OLA1: variants seen among roughly 807,000 people sequenced by gnomAD.
The protein encoded by OLA1 is Obg like ATPase 1.
OLA1 carries 14 observed loss-of-function variants against 48.4 expected under a neutral mutation model. The ratio of observed to expected loss-of-function variants is 0.29; its 90% CI spans 0.19 to 0.45. OLA1 has a LOEUF of 0.45. Ranked by LOEUF, OLA1 falls within the 20% of genes least tolerant of loss-of-function variation. The pLI, the probability that OLA1 is intolerant of heterozygous loss-of-function variation, is 1.00. For missense variants in OLA1, 325 were observed against 467.1 expected (o/e 0.70, Z 2.80); for synonymous variants, 127 against 150.4 (o/e 0.84, Z 1.14).
intron 4 of OLA1, among the ~76,000 whole-genome samples, chr2:174,206,590 A>G (rs1034967598): frequency 7.0e-6 from 1 of 143,694 alleles, no homozygotes; most frequent in African/African-American, 2.6e-5. Context: ...TCAATCACCA[A>G]TCACTTAGAT....
chr2:174,113,000 G>C (rs1019044799), intron 7 of OLA1, among the ~76,000 whole-genome samples: 1 of 152,108 alleles, frequency 6.6e-6, no homozygotes, highest in African/African-American at 2.4e-5. Flanking sequence ...GAGTGCAATG[G>C]CATGATCTTG....
intron 7 of OLA1, among the ~76,000 whole-genome samples, chr2:174,099,654 TTA>T (rs1685346181): frequency 6.6e-6 from 1 of 152,226 alleles, no homozygotes; most frequent in African/African-American, 2.4e-5. Flanking sequence ...CACATTGCCT[TTA>T]TGTTTACCTA....
At chr2:174,196,366 A>G (rs1206377759) in intron 4 of OLA1, among the ~76,000 whole-genome samples, 1 of 152,180 alleles carries the variant, frequency 6.6e-6, no homozygotes, top group African/African-American at 2.4e-5. Flanking sequence ...TTATCTCTTA[A>G]TGTAATATTT....
At chr2:174,120,609 G>C (rs1416082246) in intron 7 of OLA1, among the ~76,000 whole-genome samples, 1 of 152,166 alleles carries the variant, frequency 6.6e-6, no homozygotes, top group African/African-American at 2.4e-5. Flanking sequence ...AATGACTAAT[G>C]CTTGCAGCCA....
intron 4 of OLA1, among the ~76,000 whole-genome samples, chr2:174,144,949 AAAATATATATATATATATAT>A (rs1305647865): frequency 1.7e-5 from 1 of 57,156 alleles, no homozygotes; most frequent in Non-Finnish European, 3.2e-5. Flanking sequence ...AAAAAAAAAA[AAAATATATATATATATATAT>A]ATATATATAT....
Position 174,072,828 on chromosome 2 carries a change from T to C in OLA1, c.*2598A>G, listed in dbSNP as rs1157434221. ...TATAAGTGAACAGAGGCTTCACTCA[T>C]AACTAAGTTAGCGACAAAAACTATT... On this transcript the variant is annotated 3_prime_UTR_variant, in exon 11 of 11. Coordinates refer to ENST00000284719, the MANE Select transcript of OLA1 (RefSeq NM_013341.5). 6.6e-6 allele frequency: 1 copy of C among 152,226 alleles called. No homozygotes were observed. Among genetic ancestry groups the C allele is most frequent in the Non-Finnish European group, 1.5e-5 (1 of 68,030 alleles). The allele number at this position is 152,226 out of a possible 1,614,324, so 9.4% of individuals were successfully genotyped here.
In OLA1 at chr2:174,128,386, C is replaced by T. The variant is rs139873529; in HGVS notation, c.550-4711G>A. Among the ~76,000 whole-genome samples the T allele has an allele frequency of 2.2e-3, 330 of 150,548 alleles. 2 individuals are homozygous for T. The highest frequency in any genetic ancestry group is 3.6e-3 in the Non-Finnish European group (244 of 67,654). On this transcript the variant is annotated intron_variant, in intron 5 of 10. Coordinates refer to ENST00000284719, the MANE Select transcript of OLA1 (RefSeq NM_013341.5). ...ATGCACTCCAGCCTGGGTGACAGAG[C>T]GAGACCCTGTCTCCAAAAAAAAAAT...
intron 1 of OLA1, chr2:174,248,039 G>T: frequency 3.2e-6 from 1 of 316,990 alleles, no homozygotes; most frequent in Non-Finnish European, 6.0e-6. Flanking sequence ...CTGACCCCGA[G>T]GGCCAGGAAT....
At chr2:174,092,484 G>A (rs1022208929) in intron 7 of OLA1, among the ~76,000 whole-genome samples, 1 of 151,546 alleles carries the variant, frequency 6.6e-6, no homozygotes, top group Non-Finnish European at 1.5e-5. Flanking sequence ...GGGCAACATG[G>A]TGAAACCCCG....
intron 4 of OLA1, among the ~76,000 whole-genome samples, chr2:174,143,634 A>T (rs1686511403): frequency 6.6e-6 from 1 of 152,202 alleles, no homozygotes; most frequent in African/African-American, 2.4e-5. Flanking sequence ...TTTAAATGGC[A>T]ATTCTTAATT....
At chr2:174,221,590 C>T (rs1297819775) in intron 4 of OLA1, among the ~76,000 whole-genome samples, 2 of 152,128 alleles carry the variant, frequency 1.3e-5, no homozygotes, top group Non-Finnish European at 2.9e-5. Context: ...TCTCTTGCCC[C>T]GATCCTTCTG....
At chr2:174,219,329 C>A (rs1029317077) in intron 4 of OLA1, among the ~76,000 whole-genome samples, 1 of 147,896 alleles carries the variant, frequency 6.8e-6, no homozygotes, top group African/African-American at 2.5e-5. Context: ...TATGCTCATA[C>A]ATCATCTAGG....
At chr2:174,182,261 A>C (rs1388439058) in intron 4 of OLA1, among the ~76,000 whole-genome samples, 1 of 152,196 alleles carries the variant, frequency 6.6e-6, no homozygotes, top group Non-Finnish European at 1.5e-5. Context: ...GCGGTGGCTC[A>C]CGCCTGTAAT....
At chr2:174,148,117 T>C (rs967081229) in intron 4 of OLA1, among the ~76,000 whole-genome samples, 5 of 152,336 alleles carry the variant, frequency 3.3e-5, no homozygotes, top group Admixed American at 2.6e-4. Context: ...CCGGGCGTGG[T>C]GGCTCACGCC....
At chr2:174,157,480 T>C (rs1686915030) in intron 4 of OLA1, among the ~76,000 whole-genome samples, 1 of 152,188 alleles carries the variant, frequency 6.6e-6, no homozygotes, top group African/African-American at 2.4e-5. Flanking sequence ...TGTACAGGTT[T>C]TGATGAAAGT....
intron 4 of OLA1, among the ~76,000 whole-genome samples, chr2:174,146,316 A>T (rs914585102): frequency 1.3e-5 from 2 of 152,166 alleles, no homozygotes; most frequent in African/African-American, 4.8e-5. Flanking sequence ...TTTAAAGAGG[A>T]CACTTTAGCT....
At chr2:174,225,406 A>T (rs1688593370) in intron 3 of OLA1, among the ~76,000 whole-genome samples, 1 of 152,134 alleles carries the variant, frequency 6.6e-6, no homozygotes, top group Non-Finnish European at 1.5e-5. Context: ...CAAAATTAGA[A>T]GGGTGTGGTA....
intron 7 of OLA1, among the ~76,000 whole-genome samples, chr2:174,114,636 T>C (rs1261455339): frequency 6.6e-6 from 1 of 152,156 alleles, no homozygotes; most frequent in Non-Finnish European, 1.5e-5. Flanking sequence ...TAATACATTC[T>C]TTTAAAAGAA....
chr2:174,156,748 C>A (rs909348961), intron 4 of OLA1, among the ~76,000 whole-genome samples: 1 of 151,836 alleles, frequency 6.6e-6, no homozygotes, highest in Non-Finnish European at 1.5e-5. Flanking sequence ...CCACACCCAG[C>A]TGATTTTTGT....
Sources: gnomAD v4.1 joint callset for allele counts (sites outside exome capture counted in the v4.1 genomes callset) on GRCh38, gnomAD v4.1.1 for gene constraint, MANE v1.5 for transcripts, NCBI Gene and HGNC (gene_info 2026-07-23, HGNC 2026-07-21) for gene names.